Variants in TP73 observed in about 807,000 individuals in gnomAD.
TP73 encodes the protein p53-like transcription factor.
A neutral mutation model predicts 62.5 loss-of-function variants in TP73; 25 were observed. The observed-to-expected ratio is 0.40, with a 90% CI of 0.29 to 0.56. TP73 has a LOEUF of 0.56. Among genes scored for constraint, TP73 ranks in the 20% least tolerant of loss-of-function variants. TP73 has a pLI of 0.46. For missense variants in TP73, 754 were observed against 913.3 expected (o/e 0.83, Z 2.25); for synonymous variants, 423 against 377.5 (o/e 1.12, Z -1.40).
At position 3,663,415 on chromosome 1, in the gene TP73, G is replaced by A. The variant is rs572657098; in HGVS notation, c.-34+10774G>A. Among the ~76,000 whole-genome samples, 94 of 152,240 alleles carry A rather than the reference G, an allele frequency of 6.2e-4. No homozygotes were observed. Among genetic ancestry groups the A allele is most frequent in the African/African-American group, 2.2e-3 (92 of 41,550 alleles). On this transcript the variant is annotated intron_variant, in intron 1 of 13. Transcript: ENST00000378295. This position sits in a 1 kb window ranked among gnomAD's most constrained non-coding sequence, Gnocchi z 4.7. ...TTGTGGGGTGTGGACAGCACGGAGC[G>A]TGATGAAAGGATACAGGCGGCTGGG... is the stretch of plus-strand genomic sequence containing the variant.
In TP73 at chr1:3,680,329, G is replaced by A. The variant is rs116900108; in HGVS notation, c.-33-2004G>A. ...GATGGGCGTCTGGGCTATGTGCACCGTTCAGCTACCAGGAATGGTGCTGCT... is the reference window on the plus strand; with the variant it reads ...GATGGGCGTCTGGGCTATGTGCACCATTCAGCTACCAGGAATGGTGCTGCT... On this transcript the variant is annotated intron_variant, in intron 1 of 13. Coordinates refer to ENST00000378295, the MANE Select transcript of TP73 (RefSeq NM_005427.4). Among the ~76,000 whole-genome samples the A allele has an allele frequency of 2.0e-3, 310 of 152,258 alleles. 9 individuals carry two copies. In the East Asian group the frequency reaches 0.049, roughly 24 times the overall value.
intron 1 of TP73, among the ~76,000 whole-genome samples, chr1:3,667,953 GC>G (rs1645158315): frequency 6.6e-6 from 1 of 152,126 alleles, no homozygotes; most frequent in South Asian, 2.1e-4. Context: ...AGGGCTCATG[GC>G]CACTGTCACT....
intron 1 of TP73, 42 bp from the exon 2 acceptor site, chr1:3,682,291 G>A (rs534349566): frequency 1.7e-5 from 23 of 1,375,258 alleles, no homozygotes; most frequent in East Asian, 2.8e-5. Context: ...GACAGAGCAC[G>A]AGTTCCCAGG....
chr1:3,709,263 G>A (rs560116012), intron 4 of TP73, among the ~76,000 whole-genome samples: 2 of 152,318 alleles, frequency 1.3e-5, no homozygotes, highest in East Asian at 3.9e-4. Context: ...GATGGGAGGG[G>A]GCTCTGTGGG....
At chr1:3,714,927 C>CG (rs1640466709) in intron 4 of TP73, among the ~76,000 whole-genome samples, 2 of 152,242 alleles carry the variant, frequency 1.3e-5, no homozygotes, top group African/African-American at 4.8e-5. Flanking sequence ...CAGCTCATTC[C>CG]TTCCCGGGCT....
In TP73 at chr1:3,725,439, GTGGA is replaced by G. The variant is rs571472774; in HGVS notation, c.733-1662_733-1659del. ...AATGGATGGATGGGTAGGTAGGTGG[GTGGA>G]TGGATGGATGGATAAATGGGGTGGG... On this transcript the variant is annotated intron_variant, in intron 6 of 13. Coordinates refer to ENST00000378295, the MANE Select transcript of TP73 (RefSeq NM_005427.4). Among the ~76,000 whole-genome samples, 1,127 of 144,608 alleles carry G rather than the reference GTGGA, an allele frequency of 7.8e-3. 40 individuals carry two copies. Among genetic ancestry groups the G allele is most frequent in the African/African-American group, 0.029 (1,071 of 36,328 alleles). 94.9% of individuals were successfully genotyped at this position (144,608 alleles called of 152,430 possible).
rs934233421 is a variant in TP73, at chr1:3,699,680, T to C, written c.187-7869T>C. On this transcript the variant is annotated intron_variant, in intron 3 of 13. Transcript: ENST00000378295. This position sits in a 1 kb window ranked among gnomAD's most constrained non-coding sequence, Gnocchi z 4.1. ...CTGGAGCTCCCGGTTCCTGTCCTAGTTGAACAGAATGAATGAGAGTGCGGG... is the reference window on the plus strand; with the variant it reads ...CTGGAGCTCCCGGTTCCTGTCCTAGCTGAACAGAATGAATGAGAGTGCGGG... Among the ~76,000 whole-genome samples, 35 of 152,122 alleles carry C rather than the reference T, an allele frequency of 2.3e-4. No homozygotes were observed. Among genetic ancestry groups the C allele is most frequent in the African/African-American group, 8.0e-4 (33 of 41,422 alleles).
At position 3,682,929 on chromosome 1, in the gene TP73, G is replaced by A. The variant is rs1446375388; in HGVS notation, c.66-131G>A. The A allele has an allele frequency of 3.2e-6, 4 of 1,267,566 alleles. No individual in the cohort carries two copies. The African/African-American group carries it at 4.5e-5, about 14-fold the overall frequency. 78.5% of individuals were successfully genotyped at this position (1,267,566 alleles called of 1,614,324 possible). On this transcript the variant is annotated intron_variant, in intron 2 of 13. Transcript: ENST00000378295. ...GGTGGAGGACAGAGATGGGATGAGA[G>A]GGAATGGGAAGGGCAGGAGACGTAG...
At chr1:3,727,582 G>A (rs1189590609) in intron 7 of TP73, 46 bp from the exon 8 acceptor site, 15 of 1,570,404 alleles carry the variant, frequency 9.6e-6, no homozygotes, top group Admixed American at 1.9e-5. Flanking sequence ...GCAGGTTGAG[G>A]GTGGGCAGGG....
Position 3,683,109 on chromosome 1 carries a change from A to C in TP73, c.115A>C (p.Asn39His), listed in dbSNP as rs1364395107. 1 of 1,612,428 alleles carries C rather than the reference A, an allele frequency of 6.2e-7. No homozygotes were observed. Among genetic ancestry groups the C allele is most frequent in the Admixed American group, 1.7e-5 (1 of 59,986 alleles). Residue 39 changes from asparagine (N) to histidine (H), a missense_variant, in exon 3 of 14, where the codon AAT (asparagine) becomes CAT (histidine). Around this residue, in one of 3 missense-constraint regions of TP73, gnomAD observed 235 missense variants for 251.4 expected, o/e 0.93. Transcript: ENST00000378295. The part of the protein sequence containing the change: ...FDLPQSSRGN[N>H]EVVGGTDSSM... ...CCTTCCCCAGTCAAGCCGGGGGAAT[A>C]ATGAGGTGGTGGGCGGAACGGATTC...
chr1:3,684,278 A>G (rs1003722878), intron 3 of TP73, among the ~76,000 whole-genome samples: 3 of 152,214 alleles, frequency 2.0e-5, no homozygotes, highest in Non-Finnish European at 4.4e-5. Context: ...TGCGCTGCGG[A>G]AAACCAGCCC....
chr1:3,705,635 G>A (rs1432188045), intron 3 of TP73, among the ~76,000 whole-genome samples: 1 of 152,246 alleles, frequency 6.6e-6, no homozygotes, highest in Non-Finnish European at 1.5e-5. Flanking sequence ...GAGAGGGCCT[G>A]CCTGGCCTTT....
intron 3 of TP73, among the ~76,000 whole-genome samples, chr1:3,705,246 C>G (rs1298964657): frequency 6.6e-6 from 1 of 152,256 alleles, no homozygotes; most frequent in African/African-American, 2.4e-5. Context: ...TGGGAGCTTC[C>G]TTCTGTCTTA....
chr1:3,722,082 A>G lies in TP73; in HGVS notation c.491A>G (p.Lys164Arg). 1 of 1,612,988 alleles carries G rather than the reference A, an allele frequency of 6.2e-7. No individual in the cohort carries two copies. The highest frequency in any genetic ancestry group is 8.5e-7 in the Non-Finnish European group (1 of 1,179,772). ...GCCAAGACATGCCCCATCCAGATCAAGGTGTCCACCCCGCCACCCCCAGGC... is the reference window on the plus strand; with the variant it reads ...GCCAAGACATGCCCCATCCAGATCAGGGTGTCCACCCCGCCACCCCCAGGC... ...QIAKTCPIQIKVSTPPPPGTA... is the reference protein window; with the variant it reads ...QIAKTCPIQIRVSTPPPPGTA... The change falls in exon 5 of 14, where the codon AAG (lysine) becomes AGG (arginine). Residue 164 changes from lysine (K) to arginine (R), a missense_variant. Lys to Arg is a conservative substitution (Grantham distance 26). Transcript: ENST00000378295.
intron 3 of TP73, among the ~76,000 whole-genome samples, chr1:3,687,710 C>G (rs1287610733): frequency 6.6e-6 from 1 of 152,174 alleles, no homozygotes; most frequent in Non-Finnish European, 1.5e-5. Context: ...TCTCCCCTCC[C>G]CTCTCTGTCC....
intron 1 of TP73, among the ~76,000 whole-genome samples, chr1:3,676,040 T>G (rs1460192227): frequency 1.6e-4 from 23 of 147,912 alleles, no homozygotes; most frequent in African/African-American, 5.8e-4. Flanking sequence ...TAGCCAGGCA[T>G]GTGGGGACTG....
chr1:3,700,508 G>C (rs1269574740), intron 3 of TP73, among the ~76,000 whole-genome samples: 3 of 151,686 alleles, frequency 2.0e-5, no homozygotes, highest in Admixed American at 2.0e-4. Context: ...CCATCTACTT[G>C]TAAAAAAAAT....
chr1:3,715,579 C>T (rs578010224), intron 4 of TP73, among the ~76,000 whole-genome samples: 22 of 152,154 alleles, frequency 1.4e-4, no homozygotes, highest in African/African-American at 4.8e-4. Flanking sequence ...GAGGGCCCCG[C>T]GCAGGGCAGG....
intron 3 of TP73, among the ~76,000 whole-genome samples, chr1:3,687,319 C>T (rs896891404): frequency 5.3e-5 from 8 of 152,204 alleles, no homozygotes; most frequent in Non-Finnish European, 7.4e-5. Context: ...GAAGGCTTGA[C>T]GGGCTTCTGG....
Sources: gnomAD v4.1 joint callset for allele counts (sites outside exome capture counted in the v4.1 genomes callset) on GRCh38, gnomAD v4.1.1 for gene constraint, gnomAD v4.1.1 regional missense constraint, Gnocchi (gnomAD v3.1) non-coding constraint, MANE v1.5 for transcripts, NCBI Gene and HGNC (gene_info 2026-07-23, HGNC 2026-07-21) for gene names.